The following HDAC9 variants were observed in gnomAD, a reference collection of about 807,000 sequenced individuals.
HDAC9 encodes histone deacetylase 9, also known as MEF-2 interacting transcription repressor (MITR) protein.
Under a neutral mutation model 139.4 loss-of-function variants are expected in HDAC9, and 41 were observed. The ratio of observed to expected loss-of-function variants is 0.29; its 90% CI spans 0.23 to 0.38. HDAC9 has a LOEUF of 0.38. HDAC9 is among the 10% of genes least tolerant of loss of function. The probability of loss-of-function intolerance (pLI) is 1.00; values close to 1 mark genes in which losing one functional copy is unlikely to be tolerated. For synonymous variants in HDAC9, 517 were observed against 476.2 expected (o/e 1.09, Z -1.12); for missense variants, 1,147 against 1,297.0 (o/e 0.88, Z 1.78).
chr7:18,129,114 C>T (rs962031861), intron 1 of HDAC9, among the ~76,000 whole-genome samples: 25 of 152,094 alleles, frequency 1.6e-4, no homozygotes, highest in African/African-American at 4.6e-4. Context: ...ATTTGACTCT[C>T]GTGTCTTCCT....
intron 1 of HDAC9, among the ~76,000 whole-genome samples, chr7:18,430,232 A>AT (rs555047284): frequency 2.0e-5 from 3 of 151,878 alleles, no homozygotes; most frequent in South Asian, 4.2e-4. Flanking sequence ...TAATTGAATG[A>AT]TTTTTTTTGG....
At chr7:18,935,618 T>G (rs1781577013) in intron 22 of HDAC9, among the ~76,000 whole-genome samples, 191 bp from the exon 23 acceptor site, 1 of 152,204 alleles carries the variant, frequency 6.6e-6, no homozygotes, top group Admixed American at 6.5e-5. Flanking sequence ...GATCTTGGGC[T>G]TTGGGTCCCT....
chr7:18,777,987 A>C (rs2588597), intron 16 of HDAC9, among the ~76,000 whole-genome samples: 1 of 151,666 alleles, frequency 6.6e-6, no homozygotes, highest in African/African-American at 2.4e-5. Flanking sequence ...ATGCAATTGA[A>C]GTTTCCTATT....
At chr7:18,401,492 A>C (rs17139176) in intron 1 of HDAC9, among the ~76,000 whole-genome samples, 14,033 of 152,114 alleles carry the variant, frequency 0.092, 1,465 homozygotes, top group African/African-American at 0.25. Flanking sequence ...TGTCCCTTTC[A>C]ATCATAAAGT....
intron 12 of HDAC9, among the ~76,000 whole-genome samples, chr7:18,692,758 C>A (rs1476460736): frequency 1.3e-5 from 2 of 151,982 alleles, no homozygotes; most frequent in Non-Finnish European, 2.9e-5. Context: ...TAATGTCTTT[C>A]GCCAGCCATT....
At chr7:18,498,934 G>A (rs1797663693) in intron 2 of HDAC9, among the ~76,000 whole-genome samples, 1 of 151,974 alleles carries the variant, frequency 6.6e-6, no homozygotes, top group Non-Finnish European at 1.5e-5. Flanking sequence ...TACATTGTAG[G>A]TCACATGGGG....
At chr7:18,697,987 A>G (rs1248910172) in intron 12 of HDAC9, among the ~76,000 whole-genome samples, 5 of 152,178 alleles carry the variant, frequency 3.3e-5, no homozygotes, top group Non-Finnish European at 5.9e-5. Flanking sequence ...CAATGATATC[A>G]TGAGTAATGC....
chr7:18,162,545 C>T (rs1787705327), intron 2 of HDAC9: 2 of 586,770 alleles, frequency 3.4e-6, no homozygotes, highest in Non-Finnish European at 6.0e-6. Flanking sequence ...TCCTGGACAA[C>T]TGATTTGATT....
chr7:18,643,178 G>T (rs1441166319), intron 8 of HDAC9, among the ~76,000 whole-genome samples: 1 of 152,076 alleles, frequency 6.6e-6, no homozygotes, highest in South Asian at 2.1e-4. Context: ...ATGAGTAAAA[G>T]AGTAGCTTGC....
At chr7:18,158,490 C>T (rs1787388174) in intron 1 of HDAC9, among the ~76,000 whole-genome samples, 1 of 152,182 alleles carries the variant, frequency 6.6e-6, no homozygotes. Context: ...TCTGTAATTC[C>T]TTGCAATGCC....
At chr7:18,227,211 AT>A (rs1793115144) in intron 2 of HDAC9, among the ~76,000 whole-genome samples, 1 of 152,156 alleles carries the variant, frequency 6.6e-6, no homozygotes, top group Non-Finnish European at 1.5e-5. Flanking sequence ...GCCTTCTCCC[AT>A]TTTGATAGAG....
chr7:18,584,666 T>C (rs1828907243), intron 2 of HDAC9, among the ~76,000 whole-genome samples: 1 of 152,200 alleles, frequency 6.6e-6, no homozygotes. Flanking sequence ...ACATCAGGAC[T>C]TAGAAACTTG....
rs1585570087 is a variant in HDAC9 at position 18,391,389 on chromosome 7, C to CA, written c.-42+100874_-42+100875insA. On this transcript the variant is annotated intron_variant, in intron 1 of 3. Transcript: ENST00000413509. ...GATGGAGCGAGACGCCATCCCCCCC[C>CA]CAAAAAAAAAAGAAAGTAAAAAAGA... Among the ~76,000 whole-genome samples the CA allele has an allele frequency of 4.7e-5, 7 of 150,336 alleles. No individual in the cohort carries two copies. The East Asian group carries it at 1.2e-3, about 25-fold the overall frequency.
At chr7:18,479,850 A>G (rs574548671) in intron 1 of HDAC9, among the ~76,000 whole-genome samples, 1 of 152,012 alleles carries the variant, frequency 6.6e-6, no homozygotes, top group Non-Finnish European at 1.5e-5. Flanking sequence ...ATTATATTAC[A>G]TAATATTGAA....
chr7:18,771,756 C>T (rs1790316489), intron 16 of HDAC9, among the ~76,000 whole-genome samples: 1 of 152,024 alleles, frequency 6.6e-6, no homozygotes, highest in African/African-American at 2.4e-5. Context: ...TGTTTCCCTC[C>T]ATTATAATAC....
intron 7 of HDAC9, among the ~76,000 whole-genome samples, chr7:18,633,192 GA>G (rs1432753125): frequency 6.6e-6 from 1 of 152,092 alleles, no homozygotes; most frequent in Non-Finnish European, 1.5e-5. Context: ...GTAGGAGGAA[GA>G]AAAGTCAAAG....
chr7:18,727,380 C>T (rs1785631899), intron 12 of HDAC9, among the ~76,000 whole-genome samples, 200 bp from the exon 13 acceptor site: 1 of 152,260 alleles, frequency 6.6e-6, no homozygotes, highest in Admixed American at 6.5e-5. Context: ...CCCTGGCCGT[C>T]AGTGTGAAAA....
At chr7:18,789,286 G>GCACACACACACACA (rs34385627) in intron 16 of HDAC9, among the ~76,000 whole-genome samples, 19 of 148,486 alleles carry the variant, frequency 1.3e-4, no homozygotes, top group African/African-American at 3.8e-4. Context: ...ACACATACAC[G>GCACACACACACACA]CACACACACA....
At chr7:18,574,814 G>T (rs1200785645) in intron 2 of HDAC9, among the ~76,000 whole-genome samples, 1 of 152,266 alleles carries the variant, frequency 6.6e-6, no homozygotes. Context: ...CAGAGCGAGT[G>T]CTGGGAGCAT....
Sources: gnomAD v4.1 joint callset for allele counts (sites outside exome capture counted in the v4.1 genomes callset) on GRCh38, gnomAD v4.1.1 for gene constraint, MANE v1.5 for transcripts, NCBI Gene and HGNC (gene_info 2026-07-23, HGNC 2026-07-21) for gene names.